Variants in CNTNAP5 observed in about 807,000 individuals in gnomAD.
CNTNAP5 encodes the protein contactin associated protein family member 5, also known as contactin-associated protein-like 5.
A neutral mutation model predicts 150.2 loss-of-function variants in CNTNAP5; 72 were observed. That is an observed-to-expected ratio of 0.48 (90% CI 0.40 to 0.58). The LOEUF (loss-of-function observed/expected upper bound fraction) is 0.58. CNTNAP5 is among the 20% of genes least tolerant of loss of function. The probability of loss-of-function intolerance (pLI) is 0.00; values close to 1 mark genes in which losing one functional copy is unlikely to be tolerated. For missense variants in CNTNAP5, 1,636 were observed against 1,626.2 expected (o/e 1.01, Z -0.10); for synonymous variants, 672 against 619.8 (o/e 1.08, Z -1.25).
intron 19 of CNTNAP5, among the ~76,000 whole-genome samples, chr2:124,823,819 G>T (rs1231252452): frequency 2.0e-5 from 3 of 152,132 alleles, no homozygotes; most frequent in Non-Finnish European, 4.4e-5. Context: ...CTGCCAAGTA[G>T]GTATCTGGTG....
At chr2:124,751,135 G>A (rs1353581387) in intron 14 of CNTNAP5, among the ~76,000 whole-genome samples, 1 of 151,972 alleles carries the variant, frequency 6.6e-6, no homozygotes, top group Non-Finnish European at 1.5e-5. Context: ...AATTTAGATT[G>A]TGAAGAGAAG....
intron 1 of CNTNAP5, among the ~76,000 whole-genome samples, chr2:124,065,917 T>TA (rs895601930): frequency 6.6e-6 from 1 of 152,180 alleles, no homozygotes. Flanking sequence ...TTTATAAAGC[T>TA]AAAAAAGGAC....
chr2:124,242,548 C>T (rs906615917), intron 3 of CNTNAP5, 155 bp downstream of exon 3: 43 of 680,080 alleles, frequency 6.3e-5, no homozygotes, highest in Admixed American at 4.6e-4. Context: ...GGCCCATGCC[C>T]GGCATGGTTC....
chr2:124,324,837 G>A (rs1689178424), intron 3 of CNTNAP5, among the ~76,000 whole-genome samples: 9 of 152,172 alleles, frequency 5.9e-5, no homozygotes, highest in Admixed American at 5.9e-4. Flanking sequence ...TATAAGACAA[G>A]CTTTCATGAA....
At chr2:124,289,612 A>G (rs138310416) in intron 3 of CNTNAP5, among the ~76,000 whole-genome samples, 5 of 152,340 alleles carry the variant, frequency 3.3e-5, no homozygotes, top group Non-Finnish European at 7.3e-5. Context: ...ACGAACATTC[A>G]TTGCATAGCC....
intron 10 of CNTNAP5, among the ~76,000 whole-genome samples, chr2:124,554,422 C>CTTTT (rs5834078): frequency 2.2e-5 from 3 of 137,126 alleles, no homozygotes; most frequent in Non-Finnish European, 4.6e-5. Flanking sequence ...ATACTTTTTT[C>CTTTT]TTTTTTTTTT....
At chr2:124,302,670 A>G (rs1484479000) in intron 3 of CNTNAP5, among the ~76,000 whole-genome samples, 1 of 152,160 alleles carries the variant, frequency 6.6e-6, no homozygotes, top group African/African-American at 2.4e-5. Flanking sequence ...CCCACCTCCC[A>G]ACACTCTTGC....
At chr2:124,528,520 G>A (rs556244421) in intron 10 of CNTNAP5, among the ~76,000 whole-genome samples, 2 of 152,288 alleles carry the variant, frequency 1.3e-5, no homozygotes, top group Admixed American at 1.3e-4. Flanking sequence ...GCATTTGAAG[G>A]CATTTGAAAT....
chr2:124,395,743 A>T (rs1056509983), intron 3 of CNTNAP5, among the ~76,000 whole-genome samples: 3 of 152,142 alleles, frequency 2.0e-5, no homozygotes, highest in Non-Finnish European at 2.9e-5. Context: ...ATTAGCATAC[A>T]TGTTAACTAA....
chr2:124,285,780 T>G (rs1030906482), intron 3 of CNTNAP5, among the ~76,000 whole-genome samples: 2 of 152,024 alleles, frequency 1.3e-5, no homozygotes, highest in African/African-American at 4.8e-5. Context: ...CCAATGTGGG[T>G]GACAGAATGA....
rs546359486 is a variant in CNTNAP5, at chr2:124,920,198, T to G, written c.*5910T>G. On this transcript the variant is annotated 3_prime_UTR_variant, in exon 24 of 24. Transcript: ENST00000682447. ...TTGTGTTAGTGATTAACGCCTGGTC[T>G]TATTTTAACGAGTGTCATAGTCTTA... Among the ~76,000 whole-genome samples the G allele has an allele frequency of 7.3e-4, 111 of 152,272 alleles. No homozygotes were observed. Among genetic ancestry groups the G allele is most frequent in the African/African-American group, 2.5e-3 (106 of 41,578 alleles).
intron 3 of CNTNAP5, among the ~76,000 whole-genome samples, chr2:124,369,694 A>G (rs1305035420): frequency 6.6e-6 from 1 of 152,200 alleles, no homozygotes; most frequent in Non-Finnish European, 1.5e-5. Flanking sequence ...AGAGCTTGCT[A>G]CGGTGTTCAC....
chr2:124,354,615 T>C (rs976964567), intron 3 of CNTNAP5, among the ~76,000 whole-genome samples: 20 of 152,292 alleles, frequency 1.3e-4, no homozygotes, highest in African/African-American at 4.6e-4. Flanking sequence ...CGTGAGTCTC[T>C]ATGAGTAAGC....
At chr2:124,360,695 C>T (rs1203826382) in intron 3 of CNTNAP5, among the ~76,000 whole-genome samples, 4 of 123,572 alleles carry the variant, frequency 3.2e-5, no homozygotes, top group Non-Finnish European at 6.9e-5. Context: ...GTCTGATGGG[C>T]TTCCCTTTGA....
chr2:124,159,426 T>A (rs115501170), intron 1 of CNTNAP5, among the ~76,000 whole-genome samples: 12,215 of 152,230 alleles, frequency 0.08, 633 homozygotes, highest in Non-Finnish European at 0.11. Context: ...AGAGTGTGGC[T>A]GTGTTCCAAT....
intron 3 of CNTNAP5, among the ~76,000 whole-genome samples, chr2:124,283,975 A>G (rs1388158511): frequency 6.6e-6 from 1 of 152,174 alleles, no homozygotes; most frequent in Non-Finnish European, 1.5e-5. Context: ...GGGAAGACAC[A>G]ATTATTGAGA....
intron 1 of CNTNAP5, among the ~76,000 whole-genome samples, chr2:124,081,752 T>G (rs949525623): frequency 2.0e-4 from 31 of 152,216 alleles, no homozygotes; most frequent in African/African-American, 7.0e-4. Flanking sequence ...CACTCATTCC[T>G]TATTTTAATT....
At chr2:124,904,212 A>T (rs1438923021) in intron 22 of CNTNAP5, among the ~76,000 whole-genome samples, 1 of 151,990 alleles carries the variant, frequency 6.6e-6, no homozygotes, top group South Asian at 2.1e-4. Flanking sequence ...TTCCACATAT[A>T]AGTTATATCA....
At chr2:124,070,346 T>C (rs1682270274) in intron 1 of CNTNAP5, among the ~76,000 whole-genome samples, 1 of 136,274 alleles carries the variant, frequency 7.3e-6, no homozygotes, top group Admixed American at 8.3e-5. Context: ...TAACATTGAA[T>C]GTGAATGGAC....
Sources: gnomAD v4.1 joint callset for allele counts (sites outside exome capture counted in the v4.1 genomes callset) on GRCh38, gnomAD v4.1.1 for gene constraint, MANE v1.5 for transcripts, NCBI Gene and HGNC (gene_info 2026-07-23, HGNC 2026-07-21) for gene names.